Variants in VAT1L observed in about 807,000 individuals in gnomAD.
The protein encoded by VAT1L is vesicle amine transport 1 like, also known as putative NADPH-dependent quinone oxidoreductase VAT1L.
VAT1L carries 34 observed loss-of-function variants against 44.1 expected under a neutral mutation model. The ratio of observed to expected loss-of-function variants is 0.77; its 90% CI spans 0.59 to 1.03. The LOEUF is 1.03. Ranked by LOEUF, VAT1L falls within the 50% of genes least tolerant of loss-of-function variation. VAT1L has a pLI of 0.00. For synonymous variants in VAT1L, 253 were observed against 202.2 expected, an observed-to-expected ratio of 1.25 and a Z score of -2.13; for missense variants, 615 against 538.8, an observed-to-expected ratio of 1.14 and a Z score of -1.40.
rs1164507153 is a variant in VAT1L at position 77,879,961 on chromosome 16, A to G, written c.882+737A>G. On this transcript the variant is annotated intron_variant, in intron 6 of 8. Coordinates refer to ENST00000302536, the MANE Select transcript of VAT1L (RefSeq NM_020927.3). This position sits in a 1 kb window ranked among gnomAD's most constrained non-coding sequence, Gnocchi z 4.1. ...AATCGGAGATAGAAATGAGGACCCT[A>G]TGACCTTAACAAGATCCTGAGGTGA... Among the ~76,000 whole-genome samples the G allele has an allele frequency of 6.6e-6, 1 of 152,126 alleles. No individual in the cohort carries two copies. Among genetic ancestry groups the G allele is most frequent in the Non-Finnish European group, 1.5e-5 (1 of 68,024 alleles).
chr16:77,833,612 A>G (rs539395055), intron 3 of VAT1L, among the ~76,000 whole-genome samples: 41 of 152,166 alleles, frequency 2.7e-4, no homozygotes, highest in Non-Finnish European at 3.8e-4. Context: ...TTAGCTGGGC[A>G]TGGTGGCGTG....
At chr16:77,866,124 G>T (rs2016971713) in intron 4 of VAT1L, among the ~76,000 whole-genome samples, 1 of 152,310 alleles carries the variant, frequency 6.6e-6, no homozygotes, top group Non-Finnish European at 1.5e-5. Context: ...CTCCGTCCTA[G>T]CAAACCTACC....
chr16:77,819,961 T>C (rs2016423367), intron 2 of VAT1L, among the ~76,000 whole-genome samples: 1 of 152,206 alleles, frequency 6.6e-6, no homozygotes, highest in South Asian at 2.1e-4. Context: ...ATTATGCCAT[T>C]TAGTTTTCAT....
At chr16:77,811,746 A>G (rs2016269111) in intron 1 of VAT1L, among the ~76,000 whole-genome samples, 1 of 152,212 alleles carries the variant, frequency 6.6e-6, no homozygotes, top group Non-Finnish European at 1.5e-5. Flanking sequence ...AGGAGACTTT[A>G]CAGGGTGATA....
intron 7 of VAT1L, among the ~76,000 whole-genome samples, chr16:77,916,408 G>C (rs1472819869): frequency 6.6e-6 from 1 of 152,160 alleles, no homozygotes; most frequent in Admixed American, 6.6e-5. Flanking sequence ...TGAAGCTCTT[G>C]TCTTCTCCGC....
intron 7 of VAT1L, among the ~76,000 whole-genome samples, chr16:77,887,386 A>G (rs886912403): frequency 3.3e-5 from 5 of 152,166 alleles, no homozygotes; most frequent in African/African-American, 9.7e-5. Flanking sequence ...GCCAGGCAGG[A>G]TCCTGGGCAA....
intron 1 of VAT1L, among the ~76,000 whole-genome samples, chr16:77,814,331 A>G (rs1222009643): frequency 6.6e-6 from 1 of 152,142 alleles, no homozygotes; most frequent in Non-Finnish European, 1.5e-5. Context: ...TCCAAAATAC[A>G]CCTGCGTCCT....
rs111784402 is a variant in VAT1L at position 77,971,797 on chromosome 16, A to G, written c.1078-53A>G. On this transcript the variant is annotated intron_variant, in intron 7 of 8. Coordinates refer to ENST00000302536, the MANE Select transcript of VAT1L (RefSeq NM_020927.3). ...TTGAGTTCTCCAGGCCCCCTTTTTA[A>G]CTGGGGAACATCTCGCCTAACCAGC... is the stretch of plus-strand genomic sequence containing the variant. 4.8e-4 allele frequency: 753 copies of G among 1,571,258 alleles called. 7 individuals are homozygous for G. The African/African-American group carries it at 8.4e-3, about 17-fold the overall frequency.
At chr16:77,844,860 G>GTA (rs35465967) in intron 3 of VAT1L, among the ~76,000 whole-genome samples, 39,120 of 151,254 alleles carry the variant, frequency 0.26, 5,057 homozygotes, top group Middle Eastern at 0.35. Context: ...GTGTGCATGT[G>GTA]TATATATATA....
intron 2 of VAT1L, among the ~76,000 whole-genome samples, chr16:77,822,846 T>G (rs928777396): frequency 6.6e-6 from 1 of 152,178 alleles, no homozygotes; most frequent in African/African-American, 2.4e-5. Flanking sequence ...CAGAGCAATT[T>G]GATTCTGTGG....
At chr16:77,905,883 C>G (rs529793477) in intron 7 of VAT1L, among the ~76,000 whole-genome samples, 1 of 152,316 alleles carries the variant, frequency 6.6e-6, no homozygotes, top group East Asian at 1.9e-4. Context: ...AGCGTTCTGT[C>G]AGATCTAGGA....
chr16:77,950,745 G>A (rs1368328647), intron 7 of VAT1L, among the ~76,000 whole-genome samples: 1 of 152,094 alleles, frequency 6.6e-6, no homozygotes, highest in Non-Finnish European at 1.5e-5. Flanking sequence ...ATTAGTGAAT[G>A]TTATACAGCT....
intron 7 of VAT1L, among the ~76,000 whole-genome samples, chr16:77,933,654 G>A (rs1597106029): frequency 1.3e-5 from 2 of 152,208 alleles, no homozygotes; most frequent in Non-Finnish European, 2.9e-5. Context: ...GTGATCTGAG[G>A]AGAAGAGGCT....
At chr16:77,849,876 T>G (rs2016791828) in intron 3 of VAT1L, among the ~76,000 whole-genome samples, 1 of 152,220 alleles carries the variant, frequency 6.6e-6, no homozygotes, top group South Asian at 2.1e-4. Flanking sequence ...AGAGTCCCGA[T>G]GTCTGATCTC....
chr16:77,821,141 T>C lies in VAT1L; in HGVS notation c.363+4091T>C, dbSNP rs894421643. Among the ~76,000 whole-genome samples the C allele has an allele frequency of 2.9e-4, 44 of 152,208 alleles. 1 individual carries two copies. Among genetic ancestry groups the C allele is most frequent in the Middle Eastern group, 3.2e-3 (1 of 316 alleles). Reference sequence around the variant, plus strand: ...TATGCACCAAGCATTGGGTCATGCATTGAGAATCCATAAATCAATAAGACC... The same window carrying C: ...TATGCACCAAGCATTGGGTCATGCACTGAGAATCCATAAATCAATAAGACC... On this transcript the variant is annotated intron_variant, in intron 2 of 8. Coordinates refer to ENST00000302536, the MANE Select transcript of VAT1L (RefSeq NM_020927.3).
intron 3 of VAT1L, among the ~76,000 whole-genome samples, chr16:77,852,609 G>A (rs1204283197): frequency 6.6e-6 from 1 of 152,100 alleles, no homozygotes; most frequent in East Asian, 1.9e-4. Flanking sequence ...TGCTCTTTCC[G>A]AGCCTTTCTT....
At chr16:77,812,255 T>C (rs909347084) in intron 1 of VAT1L, among the ~76,000 whole-genome samples, 1 of 152,096 alleles carries the variant, frequency 6.6e-6, no homozygotes, top group African/African-American at 2.4e-5. Flanking sequence ...GTATTTTTAG[T>C]AGAGATAGGG....
intron 3 of VAT1L, among the ~76,000 whole-genome samples, chr16:77,827,641 G>C (rs1285609116): frequency 6.6e-6 from 1 of 152,158 alleles, no homozygotes; most frequent in Non-Finnish European, 1.5e-5. Flanking sequence ...GTACAATTTT[G>C]TCTCTTAGCT....
At chr16:77,855,246 A>G (rs2016845943) in intron 3 of VAT1L, among the ~76,000 whole-genome samples, 1 of 151,922 alleles carries the variant, frequency 6.6e-6, no homozygotes, top group Non-Finnish European at 1.5e-5. Flanking sequence ...AGGCTGAGGC[A>G]GGAGAATCGC....
Sources: gnomAD v4.1 joint callset for allele counts (sites outside exome capture counted in the v4.1 genomes callset) on GRCh38, gnomAD v4.1.1 for gene constraint, Gnocchi (gnomAD v3.1) non-coding constraint, MANE v1.5 for transcripts, NCBI Gene and HGNC (gene_info 2026-07-23, HGNC 2026-07-21) for gene names.